The following HOOK3 variants were observed in gnomAD, a reference collection of about 807,000 sequenced individuals.
The protein encoded by HOOK3 is hook microtubule tethering protein 3.
In HOOK3, 24 loss-of-function variants were observed where a neutral mutation model predicts 116.3. That is an observed-to-expected ratio of 0.21 (90% CI 0.15 to 0.29). The LOEUF is 0.29. Among genes scored for constraint, HOOK3 ranks in the 10% least tolerant of loss-of-function variants. HOOK3 has a pLI of 1.00. For synonymous variants in HOOK3, 275 were observed against 283.0 expected (o/e 0.97, Z 0.28); for missense variants, 632 against 830.2 (o/e 0.76, Z 2.93).
At chr8:43,000,238 CCTCT>C (rs1809353649) in intron 16 of HOOK3, 1 of 1,273,474 alleles carries the variant, frequency 7.9e-7, no homozygotes, top group African/African-American at 1.5e-5. Context: ...ACTAATTTGT[CCTCT>C]CTGTCTCTTG....
Position 42,897,206 on chromosome 8 carries a change from G to T in HOOK3, c.57+18G>T, listed in dbSNP as rs1348668363. Reference sequence around the variant, plus strand: ...TCACTTGGGTACGTGGGGGCCGCGGGCCGGCGGGAAGACCCCCTCCCCCCG... The same window carrying T: ...TCACTTGGGTACGTGGGGGCCGCGGTCCGGCGGGAAGACCCCCTCCCCCCG... On this transcript the variant is annotated intron_variant, in intron 1 of 21. Coordinates refer to ENST00000307602, the MANE Select transcript of HOOK3 (RefSeq NM_032410.4). The T allele has an allele frequency of 1.6e-6, 2 of 1,240,208 alleles. No homozygotes were observed. The highest frequency in any genetic ancestry group is 8.4e-5 in the Admixed American group (2 of 23,926). 76.8% of individuals were successfully genotyped at this position (1,240,208 alleles called of 1,614,324 possible). A position where few individuals can be genotyped will look rare whatever the true frequency, so the allele number is the denominator to read the frequency against.
Position 42,943,378 on chromosome 8 carries a change from T to C in HOOK3, c.333T>C (p.Asp111=). 1 of 1,570,404 alleles carries C rather than the reference T, an allele frequency of 6.4e-7. No homozygotes were observed. ...TGAACCTTATTGGGGAGCATTCTGA[T>C]GCAGCAGAGCTTGGAAGGATGCTTC... is the stretch of plus-strand genomic sequence containing the variant. The part of the protein sequence containing the change: ...PDVNLIGEHS[D]AAELGRMLQL... Residue 111 remains aspartate, a synonymous_variant, in exon 5 of 22, where the codon GAT becomes GAC. Coordinates refer to ENST00000307602, the MANE Select transcript of HOOK3 (RefSeq NM_032410.4).
At chr8:42,943,228 T>C (rs913733729) in intron 4 of HOOK3, 85 bp from the exon 5 acceptor site, 14 of 837,500 alleles carry the variant, frequency 1.7e-5, no homozygotes, top group East Asian at 2.9e-5. Context: ...AATGAGTTTC[T>C]GGTAATAACA....
intron 14 of HOOK3, 46 bp downstream of exon 14, chr8:42,982,742 G>C: frequency 8.2e-7 from 1 of 1,218,568 alleles, no homozygotes; most frequent in Non-Finnish European, 1.2e-6. Context: ...AGTATTCTTG[G>C]AGAAAACGTA....
chr8:42,944,989 T>TCATTATTATTA (rs1259617222), intron 5 of HOOK3, among the ~76,000 whole-genome samples: 1 of 152,152 alleles, frequency 6.6e-6, no homozygotes, highest in Non-Finnish European at 1.5e-5. Context: ...ATATATTATA[T>TCATTATTATTA]CATTATTATT....
intron 19 of HOOK3, 48 bp from the exon 20 acceptor site, chr8:43,013,003 T>C: frequency 8.9e-7 from 1 of 1,118,496 alleles, no homozygotes; most frequent in Non-Finnish European, 1.3e-6. Context: ...AACGTTACAT[T>C]CTTTAAGTTT....
intron 18 of HOOK3, among the ~76,000 whole-genome samples, chr8:43,008,633 A>G (rs1464420604): frequency 7.2e-6 from 1 of 138,954 alleles, no homozygotes; most frequent in Non-Finnish European, 1.6e-5. Flanking sequence ...TTAAATTTTT[A>G]TTTTTATTTT....
chr8:42,915,646 G>A (rs1172414548), intron 2 of HOOK3, among the ~76,000 whole-genome samples: 1 of 152,018 alleles, frequency 6.6e-6, no homozygotes, highest in African/African-American at 2.4e-5. Context: ...TGGCCAGACT[G>A]CTCTCGAACT....
At chr8:42,939,823 G>C (rs1206653954) in intron 4 of HOOK3, among the ~76,000 whole-genome samples, 1 of 151,414 alleles carries the variant, frequency 6.6e-6, no homozygotes, top group East Asian at 2.0e-4. Context: ...GCCGGGCAGA[G>C]ACGCTCCTCA....
chr8:42,923,515 G>GTT (rs1807704275), intron 2 of HOOK3, among the ~76,000 whole-genome samples: 1 of 152,222 alleles, frequency 6.6e-6, no homozygotes, highest in South Asian at 2.1e-4. Flanking sequence ...ACATGCTGCA[G>GTT]TATGGATAAA....
chr8:42,945,951 G>A (rs1278527945), intron 5 of HOOK3, among the ~76,000 whole-genome samples: 1 of 152,072 alleles, frequency 6.6e-6, no homozygotes, highest in Non-Finnish European at 1.5e-5. Context: ...TTCTTCCAAA[G>A]TGCTTATCTA....
intron 13 of HOOK3, among the ~76,000 whole-genome samples, chr8:42,981,114 C>T (rs544678776): frequency 2.1e-4 from 31 of 150,704 alleles, no homozygotes; most frequent in African/African-American, 6.8e-4. Context: ...TGCAGTGGCA[C>T]GATCTCAACT....
At chr8:42,957,868 C>T (rs1265627632) in intron 7 of HOOK3, among the ~76,000 whole-genome samples, 5 of 139,210 alleles carry the variant, frequency 3.6e-5, no homozygotes, top group African/African-American at 8.3e-5. Context: ...CTTGGTCTAT[C>T]GCCCAGGCTG....
At chr8:42,929,843 T>C (rs992880441) in intron 3 of HOOK3, among the ~76,000 whole-genome samples, 2 of 152,190 alleles carry the variant, frequency 1.3e-5, no homozygotes, top group African/African-American at 4.8e-5. Context: ...TTTAATCTTA[T>C]TGTTAAGTCT....
rs527855880 is a variant in HOOK3 at position 43,000,448 on chromosome 8, C to T, written c.1621-1659C>T. On this transcript the variant is annotated intron_variant, in intron 16 of 21. Transcript: ENST00000307602. ...TACAATTAAGATACTCAAAGGATAT[C>T]GAGCTCTTAAAGAGTCAGCCAACAA... Among the ~76,000 whole-genome samples, 11 of 152,260 alleles carry T rather than the reference C, an allele frequency of 7.2e-5. No individual in the cohort carries two copies. In the South Asian group the frequency reaches 1.5e-3, roughly 20 times the overall value.
In HOOK3 at chr8:42,974,246, G is replaced by A. The variant is rs572950188; in HGVS notation, c.1321+52G>A. On this transcript the variant is annotated intron_variant, in intron 13 of 21. Coordinates refer to ENST00000307602, the MANE Select transcript of HOOK3 (RefSeq NM_032410.4). ...AGATGATTTCTTTTTTTTTTGAGAC[G>A]GGAGTTTCACTCTTATTGCCCAGGC... The A allele has an allele frequency of 3.0e-5, 40 of 1,351,842 alleles. No homozygotes were observed. In the South Asian group the frequency reaches 3.5e-4, roughly 12 times the overall value. 83.7% of individuals were successfully genotyped at this position (1,351,842 alleles called of 1,614,324 possible).
At chr8:42,932,403 G>A (rs1482692935) in intron 4 of HOOK3, among the ~76,000 whole-genome samples, 1 of 152,072 alleles carries the variant, frequency 6.6e-6, no homozygotes, top group African/African-American at 2.4e-5. Flanking sequence ...AAAATGTATG[G>A]CATTGAAGAT....
Position 42,974,211 on chromosome 8 carries a change from A to G in HOOK3, c.1321+17A>G. On this transcript the variant is annotated intron_variant, in intron 13 of 21. Coordinates refer to ENST00000307602, the MANE Select transcript of HOOK3 (RefSeq NM_032410.4). ...CAACACAAGGTAAAAACGTTTTGCGAGTACAAACCAGATGATTTCTTTTTT... is the reference window on the plus strand; with the variant it reads ...CAACACAAGGTAAAAACGTTTTGCGGGTACAAACCAGATGATTTCTTTTTT... 6.4e-7 allele frequency: 1 copy of G among 1,561,796 alleles called. No homozygotes were observed.
chr8:42,953,547 G>C (rs913066519), intron 6 of HOOK3, among the ~76,000 whole-genome samples: 8 of 151,056 alleles, frequency 5.3e-5, no homozygotes, highest in Non-Finnish European at 1.2e-4. Context: ...CTGGGTGATA[G>C]TGCCAGACTC....
Sources: allele counts gnomAD v4.1 joint callset (sites outside exome capture counted in the v4.1 genomes callset), GRCh38; gene constraint gnomAD v4.1.1; transcripts MANE v1.5; gene names NCBI Gene and HGNC (gene_info 2026-07-23, HGNC 2026-07-21).